AOC3: variants seen among roughly 807,000 people sequenced by gnomAD.
AOC3 encodes amine oxidase copper containing 3, also known as amine oxidase [copper-containing] 3.
In AOC3, 47 loss-of-function variants were observed where a neutral mutation model predicts 55.4. The observed-to-expected ratio is 0.85, with a 90% confidence interval of 0.67 to 1.08. AOC3 has a LOEUF of 1.08. Ranked by LOEUF, AOC3 falls within the 50% of genes least tolerant of loss-of-function variation. AOC3 has a pLI of 0.00. For synonymous variants in AOC3, 386 were observed against 410.7 expected (o/e 0.94, Z 0.73); for missense variants, 853 against 993.1 (o/e 0.86, Z 1.90).
At position 42,857,278 on chromosome 17, in the gene AOC3, C is replaced by G. The variant is rs1457811826; in HGVS notation, c.*728C>G. ...GAGTAGGAGTTGCTCCTACCCCTGTCCTGGGGCTGGGTGTGTTTCAGGACA... is the reference window on the plus strand; with the variant it reads ...GAGTAGGAGTTGCTCCTACCCCTGTGCTGGGGCTGGGTGTGTTTCAGGACA... On this transcript the variant is annotated 3_prime_UTR_variant, in exon 4 of 4. Coordinates refer to ENST00000308423, the MANE Select transcript of AOC3 (RefSeq NM_003734.4). 6.6e-6 allele frequency: 1 copy of G among 152,562 alleles called. No individual in the cohort carries two copies. The highest frequency in any genetic ancestry group is 1.5e-5 in the Non-Finnish European group (1 of 68,268). 9.5% of individuals were successfully genotyped at this position (152,562 alleles called of 1,614,324 possible). A position where few individuals can be genotyped will look rare whatever the true frequency, so the allele number is the denominator to read the frequency against.
chr17:42,854,995 C>T (rs184773510), intron 2 of AOC3, among the ~76,000 whole-genome samples: 57 of 152,022 alleles, frequency 3.7e-4, no homozygotes, highest in Admixed American at 1.1e-3. Flanking sequence ...TACAGGTGCA[C>T]GCCACCACAC....
intron 3 of AOC3, among the ~76,000 whole-genome samples, chr17:42,855,831 G>T (rs2055741794): frequency 6.6e-6 from 1 of 152,206 alleles, no homozygotes. Flanking sequence ...CAGGCTCCAG[G>T]ACTCAGGAGG....
Position 42,854,524 on chromosome 17 carries a change from G to C in AOC3, c.1677G>C (p.Leu559=). 6.2e-7 allele frequency: 1 copy of C among 1,609,304 alleles called. No homozygotes were observed. The highest frequency in any genetic ancestry group is 8.5e-7 in the Non-Finnish European group (1 of 1,177,486). Residue 559 remains leucine (L), a synonymous_variant, in exon 2 of 4, where the codon CTG becomes CTC. Transcript: ENST00000308423. ...TGCCCTGGAGCCCTGAGCACCAGCT[G>C]CAGAGGCTGCAGGTGACCCGGAAGC... is the stretch of plus-strand genomic sequence containing the variant. ...MAVPWSPEHQ[L]QRLQVTRKLL...
intron 1 of AOC3, 194 bp downstream of exon 1, chr17:42,853,137 C>G: frequency 7.3e-7 from 1 of 1,375,732 alleles, no homozygotes; most frequent in Non-Finnish European, 9.5e-7. Flanking sequence ...AAAGCTGCAG[C>G]CTTCCTCTAC....
intron 2 of AOC3, 27 bp downstream of exon 2, chr17:42,854,760 G>T: frequency 1.4e-6 from 2 of 1,457,566 alleles, no homozygotes; most frequent in African/African-American, 1.4e-5. Flanking sequence ...CAGAGAGGAG[G>T]GGGGCAGTGA....
chr17:42,852,371 C>T lies in AOC3; in HGVS notation c.1028C>T (p.Ala343Val). The stretch of plus-strand genomic sequence containing the variant: ...TGGACTTTCTCCTTTGGCCTCGGAG[C>T]ATTCAGTGGCCCAAGGATCTTTGAC... ...SLWTFSFGLG[A>V]FSGPRIFDVR... is the part of the protein sequence containing the mutation. The change falls in exon 1 of 4, where the codon GCA becomes GTA. Residue 343 changes from alanine to valine, a missense_variant. By Grantham distance (64) the Ala-to-Val change is moderately conservative (BLOSUM62 0). Coordinates refer to ENST00000308423, the MANE Select transcript of AOC3 (RefSeq NM_003734.4). The T allele has an allele frequency of 3.7e-6, 6 of 1,614,150 alleles. No homozygotes were observed. The highest frequency in any genetic ancestry group is 5.1e-6 in the Non-Finnish European group (6 of 1,180,028).
chr17:42,854,699 A>G lies in AOC3; in HGVS notation c.1852A>G (p.Asn618Asp), dbSNP rs1346229438. The change falls in exon 2 of 4, where the codon AAC becomes GAC. Residue 618 changes from asparagine (N) to aspartate (D), a missense_variant. Transcript: ENST00000308423. The stretch of plus-strand genomic sequence containing the variant: ...CTTTGCTGGAGAGCCGCTGCCCCAA[A>G]ACAGCTCCATGGCGAGAGGCTTCAG... ...LSFAGEPLPQ[N>D]SSMARGFSWE... The G allele has an allele frequency of 2.0e-6, 3 of 1,502,344 alleles. No individual in the cohort carries two copies. The highest frequency in any genetic ancestry group is 1.3e-5 in the South Asian group (1 of 75,114). 93.1% of individuals were successfully genotyped at this position (1,502,344 alleles called of 1,614,324 possible). A position where few individuals can be genotyped will look rare whatever the true frequency, so the allele number is the denominator to read the frequency against.
At chr17:42,854,771 G>C in intron 2 of AOC3, 38 bp downstream of exon 2, 2 of 1,450,314 alleles carry the variant, frequency 1.4e-6, no homozygotes, top group Non-Finnish European at 1.8e-6. Flanking sequence ...GGGGCAGTGA[G>C]AGTGGGAAAG....
intron 2 of AOC3, 35 bp from the exon 3 acceptor site, chr17:42,855,409 C>A: frequency 6.3e-7 from 1 of 1,582,002 alleles, no homozygotes; most frequent in Non-Finnish European, 8.6e-7. Flanking sequence ...AGGATGGGGT[C>A]AATGGCCATG....
chr17:42,853,052 G>C (rs759693123), intron 1 of AOC3, 109 bp downstream of exon 1: 197 of 1,405,324 alleles, frequency 1.4e-4, no homozygotes, highest in Admixed American at 4.8e-4. Flanking sequence ...GTGGATTTTT[G>C]TACTTCCCCT....
chr17:42,853,466 G>C, intron 1 of AOC3: 2 of 899,630 alleles, frequency 2.2e-6, no homozygotes, highest in Non-Finnish European at 2.7e-6. Context: ...GGGGTCACAT[G>C]GATCCCGTGG....
intron 1 of AOC3, chr17:42,853,315 G>A: frequency 9.6e-7 from 1 of 1,036,888 alleles, no homozygotes; most frequent in Non-Finnish European, 1.2e-6. Flanking sequence ...CTGTGGTGGT[G>A]GTGTTTTGGA....
Position 42,852,585 on chromosome 17 carries a change from C to T in AOC3, c.1242C>T (p.His414=). 1.2e-6 allele frequency: 2 copies of T among 1,614,230 alleles called. No homozygotes were observed. The highest frequency in any genetic ancestry group is 1.7e-6 in the Non-Finnish European group (2 of 1,180,030). Residue 414 remains histidine, a synonymous_variant, in exon 1 of 4, where the codon CAC becomes CAT. Coordinates refer to ENST00000308423, the MANE Select transcript of AOC3 (RefSeq NM_003734.4). The part of the protein sequence containing the change: ...CPYLATYVDW[H]FLLESQAPKT... ...ACTTGGCCACCTACGTGGACTGGCA[C>T]TTCCTTTTGGAGTCCCAGGCCCCCA...
At position 42,854,614 on chromosome 17, in the gene AOC3, G is replaced by A. The variant is rs1380748638; in HGVS notation, c.1767G>A (p.Leu589=). Reference sequence around the variant, plus strand: ...GCGCCACCCCTCGCTACCTGTACCTGGCCAGCAACCACAGCAACAAGTGGG... The same window carrying A: ...GCGCCACCCCTCGCTACCTGTACCTAGCCAGCAACCACAGCAACAAGTGGG... The part of the protein sequence containing the change: ...VGSATPRYLY[L]ASNHSNKWGH... The change falls in exon 2 of 4, where the codon CTG becomes CTA. Residue 589 remains leucine, a synonymous_variant. Transcript: ENST00000308423. The A allele has an allele frequency of 6.3e-7, 1 of 1,597,776 alleles. No homozygotes were observed. Among genetic ancestry groups the A allele is most frequent in the Non-Finnish European group, 8.5e-7 (1 of 1,170,902 alleles).
At position 42,854,771 on chromosome 17, in the gene AOC3, G is replaced by T. The variant is rs956357600; in HGVS notation, c.1886+38G>T. The T allele has an allele frequency of 4.8e-6, 7 of 1,450,196 alleles. No homozygotes were observed. In the African/African-American group the frequency reaches 1.0e-4, roughly 21 times the overall value. The allele number at this position is 1,450,196 out of a possible 1,614,324, so 89.8% of individuals were successfully genotyped here. ...CAGTCAGAGAGGAGGGGGGCAGTGA[G>T]AGTGGGAAAGGAGTGTTGGCGGACA... On this transcript the variant is annotated intron_variant, in intron 2 of 3. Coordinates refer to ENST00000308423, the MANE Select transcript of AOC3 (RefSeq NM_003734.4).
rs1317992731 is a variant in AOC3, at chr17:42,854,407, G to A, written c.1601-41G>A. On this transcript the variant is annotated intron_variant, in intron 1 of 3. Coordinates refer to ENST00000308423, the MANE Select transcript of AOC3 (RefSeq NM_003734.4). ...GGGGGCAGAGTCCAGAGGGGCCAGG[G>A]CAGTTGCCTGACAGGCCCTCCCCTA... 12 of 1,450,970 alleles carry A rather than the reference G, an allele frequency of 8.3e-6. No homozygotes were observed. In the Admixed American group the frequency reaches 3.0e-4, roughly 36 times the overall value. 89.9% of individuals were successfully genotyped at this position (1,450,970 alleles called of 1,614,324 possible).
At chr17:42,855,029 T>A (rs942164710) in intron 2 of AOC3, among the ~76,000 whole-genome samples, 1 of 152,046 alleles carries the variant, frequency 6.6e-6, no homozygotes, top group Non-Finnish European at 1.5e-5. Context: ...GTATTTTTAG[T>A]AGAGATAGGG....
chr17:42,855,901 T>C (rs1445820139), intron 3 of AOC3, among the ~76,000 whole-genome samples: 1 of 152,186 alleles, frequency 6.6e-6, no homozygotes, highest in Non-Finnish European at 1.5e-5. Flanking sequence ...CATTCCTGAC[T>C]TGATGAATTT....
rs1017939179 is a variant in AOC3 at position 42,856,861 on chromosome 17, C to T, written c.*311C>T. On this transcript the variant is annotated 3_prime_UTR_variant, in exon 4 of 4. Coordinates refer to ENST00000308423, the MANE Select transcript of AOC3 (RefSeq NM_003734.4). ...GTTCCCTTTGTTGCTGTCTGGCTTT[C>T]CCGAATCTTTTTAGGCCACCTCCAA... 4.1e-5 allele frequency: 17 copies of T among 417,378 alleles called. No individual in the cohort carries two copies. Among genetic ancestry groups the T allele is most frequent in the African/African-American group, 2.0e-4 (10 of 50,116 alleles). The allele number at this position is 417,378 out of a possible 1,614,324, so 25.9% of individuals were successfully genotyped here.
Sources: allele counts gnomAD v4.1 joint callset (sites outside exome capture counted in the v4.1 genomes callset), GRCh38; gene constraint gnomAD v4.1.1; transcripts MANE v1.5; gene names NCBI Gene and HGNC (gene_info 2026-07-23, HGNC 2026-07-21).